The following GRIK2 variants were observed in gnomAD, a reference collection of about 807,000 sequenced individuals.
The protein encoded by GRIK2 is glutamate ionotropic receptor kainate type subunit 2, also known as glutamate receptor ionotropic, kainate 2.
GRIK2 carries 32 observed loss-of-function variants against 100.3 expected under a neutral mutation model. The observed-to-expected ratio is 0.32, with a 90% CI of 0.24 to 0.43. The LOEUF is 0.43. GRIK2 is among the 20% of genes least tolerant of loss of function. The probability of loss-of-function intolerance (pLI) is 1.00; values close to 1 mark genes in which losing one functional copy is unlikely to be tolerated. For synonymous variants in GRIK2, 417 were observed against 389.4 expected, an observed-to-expected ratio of 1.07 and a Z score of -0.83; for missense variants, 843 against 1,114.9, an observed-to-expected ratio of 0.76 and a Z score of 3.47.
chr6:101,501,472 G>A (rs978686603), intron 2 of GRIK2, among the ~76,000 whole-genome samples: 1 of 152,094 alleles, frequency 6.6e-6, no homozygotes, highest in Non-Finnish European at 1.5e-5. Flanking sequence ...CATAATTGCT[G>A]CACAGATACT....
chr6:101,825,487 G>T (rs1455611107), intron 10 of GRIK2, among the ~76,000 whole-genome samples: 1 of 151,972 alleles, frequency 6.6e-6, no homozygotes, highest in Non-Finnish European at 1.5e-5. Context: ...AAATCCTAGG[G>T]TCTTAATTTC....
At chr6:101,708,456 A>G (rs1773486625) in intron 7 of GRIK2, among the ~76,000 whole-genome samples, 1 of 151,646 alleles carries the variant, frequency 6.6e-6, no homozygotes, top group Admixed American at 6.6e-5. Context: ...GGTTTGATAT[A>G]TATTTTTTCA....
At chr6:101,844,338 A>T (rs1351859944) in intron 10 of GRIK2, among the ~76,000 whole-genome samples, 2 of 152,180 alleles carry the variant, frequency 1.3e-5, no homozygotes, top group African/African-American at 4.8e-5. Context: ...TAAGGAAAAA[A>T]GATGGGAGAA....
intron 2 of GRIK2, among the ~76,000 whole-genome samples, chr6:101,428,731 A>G (rs1769204552): frequency 6.6e-6 from 1 of 152,190 alleles, no homozygotes; most frequent in South Asian, 2.1e-4. Flanking sequence ...TTAAAAGCAA[A>G]GGACATCTTA....
intron 9 of GRIK2, 132 bp downstream of exon 9, chr6:101,802,570 C>G (rs886915669): frequency 6.9e-5 from 29 of 422,130 alleles, no homozygotes; most frequent in Non-Finnish European, 1.2e-4. Flanking sequence ...ATAGTTAATT[C>G]ATTATATTGA....
intron 7 of GRIK2, among the ~76,000 whole-genome samples, chr6:101,791,868 T>A (rs1461835685): frequency 6.6e-6 from 1 of 151,724 alleles, no homozygotes; most frequent in Non-Finnish European, 1.5e-5. Context: ...CACTCAGGAC[T>A]TGCTTTATGA....
At chr6:101,539,548 C>T in intron 2 of GRIK2, among the ~76,000 whole-genome samples, 1 of 151,770 alleles carries the variant, frequency 6.6e-6, no homozygotes, top group East Asian at 1.9e-4. Context: ...GCAATAAAGT[C>T]ATCTGCCTAG....
intron 12 of GRIK2, among the ~76,000 whole-genome samples, chr6:101,904,949 G>A (rs540159594): frequency 2.2e-4 from 33 of 151,502 alleles, no homozygotes; most frequent in African/African-American, 8.0e-4. Context: ...AGTCTTATTA[G>A]TCTAGCTTAT....
intron 4 of GRIK2, among the ~76,000 whole-genome samples, chr6:101,638,357 C>A (rs115336355): frequency 2.1e-3 from 313 of 151,274 alleles, no homozygotes; most frequent in African/African-American, 7.4e-3. Context: ...TATGTGTACA[C>A]AATAGTATCA....
At chr6:101,613,881 A>C (rs977510423) in intron 2 of GRIK2, among the ~76,000 whole-genome samples, 11 of 151,798 alleles carry the variant, frequency 7.2e-5, no homozygotes, top group African/African-American at 2.7e-4. Context: ...AATGTTTTCA[A>C]ATTCTGGAAG....
intron 7 of GRIK2, among the ~76,000 whole-genome samples, chr6:101,761,534 T>A (rs1030802601): frequency 6.6e-6 from 1 of 152,122 alleles, no homozygotes; most frequent in African/African-American, 2.4e-5. Flanking sequence ...TTTTTAGCTT[T>A]CCCACATTAT....
chr6:101,751,204 G>A (rs990561461), intron 7 of GRIK2, among the ~76,000 whole-genome samples: 2 of 151,936 alleles, frequency 1.3e-5, no homozygotes, highest in Non-Finnish European at 2.9e-5. Flanking sequence ...TTCCAAAAGT[G>A]CTGGGATTTC....
At chr6:102,049,470 A>G (rs1409299585) in intron 15 of GRIK2, among the ~76,000 whole-genome samples, 2 of 152,148 alleles carry the variant, frequency 1.3e-5, no homozygotes, top group Non-Finnish European at 2.9e-5. Context: ...AGAGGGAAAA[A>G]TTCTTCCCCG....
intron 4 of GRIK2, among the ~76,000 whole-genome samples, chr6:101,660,342 C>T (rs1227860393): frequency 6.6e-6 from 1 of 152,074 alleles, no homozygotes; most frequent in Admixed American, 6.6e-5. Flanking sequence ...ATGTTCTTTT[C>T]TAAACTGGTT....
At chr6:101,592,728 A>C (rs1333374220) in intron 2 of GRIK2, among the ~76,000 whole-genome samples, 1 of 150,890 alleles carries the variant, frequency 6.6e-6, no homozygotes, top group Non-Finnish European at 1.5e-5. Flanking sequence ...GAATTGAAGC[A>C]AAATTATATT....
chr6:101,999,641 G>A (rs909014474), intron 14 of GRIK2, among the ~76,000 whole-genome samples: 4 of 151,856 alleles, frequency 2.6e-5, no homozygotes, highest in South Asian at 2.1e-4. Flanking sequence ...GAAAAAAAAG[G>A]TTTTCCTCTT....
At chr6:101,872,991 T>G (rs1785530739) in intron 11 of GRIK2, among the ~76,000 whole-genome samples, 1 of 151,950 alleles carries the variant, frequency 6.6e-6, no homozygotes, top group Non-Finnish European at 1.5e-5. Context: ...GAAGATTTCT[T>G]GATTCTGGTT....
At chr6:101,667,932 A>G (rs958649955) in intron 4 of GRIK2, among the ~76,000 whole-genome samples, 2 of 152,134 alleles carry the variant, frequency 1.3e-5, no homozygotes, top group Non-Finnish European at 2.9e-5. Context: ...CAAATAATCA[A>G]TTATCCCTGA....
At chr6:101,707,480 AATAT>A (rs948589977) in intron 7 of GRIK2, among the ~76,000 whole-genome samples, 5 of 146,102 alleles carry the variant, frequency 3.4e-5, no homozygotes, top group Non-Finnish European at 6.0e-5. Flanking sequence ...ATAATATATA[AATAT>A]ATATATAAAT....
Sources: gnomAD v4.1 joint callset for allele counts (sites outside exome capture counted in the v4.1 genomes callset) on GRCh38, gnomAD v4.1.1 for gene constraint, MANE v1.5 for transcripts, NCBI Gene and HGNC (gene_info 2026-07-23, HGNC 2026-07-21) for gene names.